POSTN: variants seen among roughly 807,000 people sequenced by gnomAD.
POSTN encodes the protein osteoblast specific factor 2 (fasciclin I-like).
POSTN carries 71 observed loss-of-function variants against 104.5 expected under a neutral mutation model. The observed-to-expected ratio is 0.68, with a 90% confidence interval of 0.56 to 0.83. The LOEUF is 0.83. POSTN is among the 40% of genes least tolerant of loss of function. The pLI is 0.00. For missense variants in POSTN, 949 were observed against 1,006.8 expected (o/e 0.94, Z 0.78); for synonymous variants, 355 against 340.7 (o/e 1.04, Z -0.46).
intron 2 of POSTN, among the ~76,000 whole-genome samples, chr13:37,596,338 C>A (rs1175629261): frequency 6.6e-6 from 1 of 152,098 alleles, no homozygotes; most frequent in African/African-American, 2.4e-5. Context: ...TTTCTGATTG[C>A]ATTACTTGCC....
intron 2 of POSTN, among the ~76,000 whole-genome samples, chr13:37,593,084 T>A (rs947969152): frequency 6.6e-6 from 1 of 151,308 alleles, no homozygotes; most frequent in Middle Eastern, 3.5e-3. Flanking sequence ...TATTTTAATA[T>A]TAGAGTTTAG....
At chr13:37,586,358 G>C in intron 6 of POSTN, 78 bp from the exon 7 acceptor site, 1 of 1,434,866 alleles carries the variant, frequency 7.0e-7, no homozygotes, top group Non-Finnish European at 9.5e-7. Context: ...AGCCTAGGCT[G>C]ACATGAAGGA....
intron 17 of POSTN, among the ~76,000 whole-genome samples, chr13:37,571,768 C>T (rs1950268216): frequency 6.6e-6 from 1 of 151,706 alleles, no homozygotes; most frequent in African/African-American, 2.4e-5. Context: ...TATGTGGCTA[C>T]ACTTTGCAGA....
intron 2 of POSTN, among the ~76,000 whole-genome samples, chr13:37,594,671 A>G (rs1246776343): frequency 6.6e-6 from 1 of 152,136 alleles, no homozygotes; most frequent in Non-Finnish European, 1.5e-5. Flanking sequence ...TACTAGACCA[A>G]TATATATTTT....
intron 2 of POSTN, among the ~76,000 whole-genome samples, chr13:37,593,972 C>G (rs895977380): frequency 1.3e-5 from 2 of 151,396 alleles, no homozygotes; most frequent in East Asian, 3.9e-4. Context: ...AAAATACAGA[C>G]AAAATTAAAT....
chr13:37,587,831 A>G lies in POSTN; in HGVS notation c.597T>C (p.Tyr199=). 2 of 1,595,974 alleles carry G rather than the reference A, an allele frequency of 1.3e-6. No individual in the cohort carries two copies. The highest frequency in any genetic ancestry group is 1.7e-6 in the Non-Finnish European group (2 of 1,165,734). The change falls in exon 5 of 23, where the codon TAT becomes TAC. Residue 199 remains tyrosine (Y), a synonymous_variant. Coordinates refer to ENST00000379747, the MANE Select transcript of POSTN (RefSeq NM_006475.3). ...YNNLGLFINH[Y]PNGVVTVNCA... ...TACTGATAAAACTTACCCCATTAGG[A>G]TAATGGTTAATGAAAAGCCCCAAAT...
chr13:37,592,001 G>C, intron 3 of POSTN, 99 bp downstream of exon 3: 1 of 719,180 alleles, frequency 1.4e-6, no homozygotes, highest in Non-Finnish European at 2.4e-6. Context: ...ATTTAGGATG[G>C]TGCTGAATAC....
intron 22 of POSTN, among the ~76,000 whole-genome samples, chr13:37,563,762 A>G (rs1692496074): frequency 6.6e-6 from 1 of 152,002 alleles, no homozygotes; most frequent in South Asian, 2.1e-4. Context: ...CACTACTAGT[A>G]TCTAATTAAC....
intron 2 of POSTN, among the ~76,000 whole-genome samples, chr13:37,593,129 G>A (rs1053967666): frequency 3.3e-5 from 5 of 150,976 alleles, no homozygotes; most frequent in Non-Finnish European, 7.4e-5. Context: ...TAAAGTTAAC[G>A]AAGTGTGTTA....
chr13:37,588,722 T>A (rs1372969668), intron 4 of POSTN, among the ~76,000 whole-genome samples: 1 of 152,134 alleles, frequency 6.6e-6, no homozygotes, highest in Non-Finnish European at 1.5e-5. Flanking sequence ...AGTTGTCCAG[T>A]TTGGTTAATA....
intron 22 of POSTN, among the ~76,000 whole-genome samples, chr13:37,564,213 T>A (rs866147644): frequency 7.5e-6 from 1 of 132,928 alleles, no homozygotes; most frequent in Non-Finnish European, 1.6e-5. Flanking sequence ...TATATATATA[T>A]ATATATATAT....
chr13:37,570,545 C>A (rs1950234040), intron 19 of POSTN, 35 bp downstream of exon 19: 1 of 1,332,500 alleles, frequency 7.5e-7, no homozygotes, highest in South Asian at 1.2e-5. Flanking sequence ...TCTTTATAAT[C>A]TAGGCATAGA....
rs1165050820 is a variant in POSTN at position 37,571,431 on chromosome 13, T to C, written c.2117A>G (p.Glu706Gly). The part of the protein sequence containing the change: ...EGPTLTKVKI[E>G]GEPEFRLIKE... ...AATCAGTCTGAATTCAGGTTCACCT[T>C]CAATTTTGACTTTTGTTAGTGTGGG... Residue 706 changes from glutamate (E) to glycine (G), a missense_variant, in exon 18 of 23, where the codon GAA (glutamate) becomes GGA (glycine). Coordinates refer to ENST00000379747, the MANE Select transcript of POSTN (RefSeq NM_006475.3). 1 of 1,608,974 alleles carries C rather than the reference T, an allele frequency of 6.2e-7. No individual in the cohort carries two copies. Among genetic ancestry groups the C allele is most frequent in the South Asian group, 1.1e-5 (1 of 90,916 alleles).
chr13:37,569,861 G>T, intron 19 of POSTN, 40 bp from the exon 20 acceptor site: 5 of 1,339,718 alleles, frequency 3.7e-6, no homozygotes, highest in Non-Finnish European at 4.2e-6. Flanking sequence ...AACAGAAGTA[G>T]GCAAACTTCT....
At chr13:37,588,845 C>T (rs1950838082) in intron 4 of POSTN, among the ~76,000 whole-genome samples, 1 of 152,108 alleles carries the variant, frequency 6.6e-6, no homozygotes, top group Non-Finnish European at 1.5e-5. Context: ...CATAAGGAAC[C>T]ACTGAAGATT....
Position 37,590,411 on chromosome 13 carries a change from G to A in POSTN, c.402C>T (p.Tyr134=). The A allele has an allele frequency of 6.2e-7, 1 of 1,605,216 alleles. No homozygotes were observed. The highest frequency in any genetic ancestry group is 8.5e-7 in the Non-Finnish European group (1 of 1,175,176). The change falls in exon 4 of 23, where the codon TAC becomes TAT. Residue 134 remains tyrosine, a synonymous_variant. Transcript: ENST00000379747. ...CCCAAGCCTCATTACTCGGTGCAAA[G>A]TAAGTGAAGGATCCCTTTCCCTCGA... is the stretch of plus-strand genomic sequence containing the variant. ...EEIEGKGSFT[Y]FAPSNEAWDN...
At chr13:37,589,630 C>A (rs570925935) in intron 4 of POSTN, among the ~76,000 whole-genome samples, 3 of 152,164 alleles carry the variant, frequency 2.0e-5, no homozygotes, top group African/African-American at 7.2e-5. Flanking sequence ...GTTAGAGATG[C>A]GGTGAAAGAC....
At chr13:37,579,561 G>GA (rs1472153949) in intron 12 of POSTN, among the ~76,000 whole-genome samples, 2 of 152,080 alleles carry the variant, frequency 1.3e-5, no homozygotes, top group Admixed American at 6.6e-5. Flanking sequence ...CTTACTGGGA[G>GA]AAAAAAATCT....
In POSTN at chr13:37,598,619, A is replaced by G. The variant is rs552116672; in HGVS notation, c.108T>C (p.Gly36=). 1.2e-6 allele frequency: 2 copies of G among 1,612,026 alleles called. No individual in the cohort carries two copies. The highest frequency in any genetic ancestry group is 1.3e-5 in the African/African-American group (1 of 75,002). The change falls in exon 1 of 23, where the codon GGT becomes GGC. Residue 36 remains glycine, a synonymous_variant. Coordinates refer to ENST00000379747, the MANE Select transcript of POSTN (RefSeq NM_006475.3). The part of the protein sequence containing the change: ...DKILAHSRIR[G]RDQGPNVCAL... The stretch of plus-strand genomic sequence containing the variant: ...AACCACTCACTTACCCTTGGTCCCG[A>G]CCCCTGATACGACTATGAGCCAAGA...
Sources: gnomAD v4.1 joint callset for allele counts (sites outside exome capture counted in the v4.1 genomes callset) on GRCh38, gnomAD v4.1.1 for gene constraint, MANE v1.5 for transcripts, NCBI Gene and HGNC (gene_info 2026-07-23, HGNC 2026-07-21) for gene names.